The following PPP1R9A variants were observed in gnomAD, a reference collection of about 807,000 sequenced individuals.
PPP1R9A encodes the protein neurabin-1.
Under a neutral mutation model 141.9 loss-of-function variants are expected in PPP1R9A, and 59 were observed. That is an observed-to-expected ratio of 0.42 (90% CI 0.34 to 0.52). The LOEUF is 0.52. Ranked by LOEUF, PPP1R9A falls within the 20% of genes least tolerant of loss-of-function variation. The pLI, the probability that PPP1R9A is intolerant of heterozygous loss-of-function variation, is 0.10. For missense variants in PPP1R9A, 1,444 were observed against 1,611.9 expected, an observed-to-expected ratio of 0.90 and a Z score of 1.78; for synonymous variants, 500 against 569.7, an observed-to-expected ratio of 0.88 and a Z score of 1.74.
At chr7:95,072,639 TATATA>T (rs940047410) in intron 2 of PPP1R9A, among the ~76,000 whole-genome samples, 16 of 125,884 alleles carry the variant, frequency 1.3e-4, no homozygotes, top group East Asian at 8.2e-4. Flanking sequence ...AATTTTATAA[TATATA>T]ATATATTATA....
intron 5 of PPP1R9A, among the ~76,000 whole-genome samples, chr7:95,181,580 C>G (rs1833824797): frequency 7.5e-6 from 1 of 134,032 alleles, no homozygotes; most frequent in African/African-American, 2.8e-5. Context: ...TATATTCCAT[C>G]ACATATATAT....
chr7:94,968,256 TCCG>T (rs1211069312), intron 2 of PPP1R9A, among the ~76,000 whole-genome samples: 2 of 151,636 alleles, frequency 1.3e-5, no homozygotes, highest in Admixed American at 6.6e-5. Flanking sequence ...CACTGCAAGC[TCCG>T]CCTCCCGGGT....
Position 95,091,826 on chromosome 7 carries a change from C to CT in PPP1R9A, c.1396-19419dup, listed in dbSNP as rs144206416. ...TTTGGCATTTGGTGCGTTAATAATGCTTTTTTTTTTTTTTCAAACTAAAGC... is the reference window on the plus strand; with the variant it reads ...TTTGGCATTTGGTGCGTTAATAATGCTTTTTTTTTTTTTTTCAAACTAAAGC... On this transcript the variant is annotated intron_variant, in intron 2 of 19. Coordinates refer to ENST00000433360, the MANE Select transcript of PPP1R9A (RefSeq NM_001166160.2). Among the ~76,000 whole-genome samples, 449 of 137,658 alleles carry CT rather than the reference C, an allele frequency of 3.3e-3. 3 individuals carry two copies. The highest frequency in any genetic ancestry group is 8.7e-3 in the African/African-American group (316 of 36,440). 90.3% of individuals were successfully genotyped at this position (137,658 alleles called of 152,430 possible).
chr7:95,102,143 G>T (rs890662632), intron 2 of PPP1R9A, among the ~76,000 whole-genome samples: 45 of 152,234 alleles, frequency 3.0e-4, no homozygotes, highest in African/African-American at 1.0e-3. Flanking sequence ...ATATGAGAAT[G>T]AAACTAGCAG....
chr7:95,234,859 C>A (rs1424213993), intron 8 of PPP1R9A, among the ~76,000 whole-genome samples: 1 of 151,964 alleles, frequency 6.6e-6, no homozygotes, highest in Non-Finnish European at 1.5e-5. Context: ...CAGAAATAAA[C>A]CCAAATATTT....
intron 2 of PPP1R9A, among the ~76,000 whole-genome samples, chr7:94,938,155 G>A (rs1794964537): frequency 6.6e-6 from 1 of 152,142 alleles, no homozygotes; most frequent in Non-Finnish European, 1.5e-5. Flanking sequence ...GAGCATTACT[G>A]CCTGAGCTCC....
chr7:95,159,482 G>A (rs149015451), intron 4 of PPP1R9A, among the ~76,000 whole-genome samples: 117 of 152,190 alleles, frequency 7.7e-4, no homozygotes, highest in Non-Finnish European at 1.1e-3. Flanking sequence ...TGTTACATAG[G>A]TATACATGTG....
At chr7:95,073,589 G>A (rs1814322730) in intron 2 of PPP1R9A, among the ~76,000 whole-genome samples, 2 of 140,236 alleles carry the variant, frequency 1.4e-5, no homozygotes, top group South Asian at 4.5e-4. Context: ...TTTTGATTTT[G>A]CACTGTTATT....
chr7:95,209,441 T>C (rs985968019), intron 7 of PPP1R9A, among the ~76,000 whole-genome samples: 4 of 152,128 alleles, frequency 2.6e-5, no homozygotes, highest in Non-Finnish European at 5.9e-5. Context: ...AGCGGTTACA[T>C]GCAATCAGTA....
chr7:94,925,214 GC>G (rs1793323923), intron 2 of PPP1R9A, among the ~76,000 whole-genome samples: 1 of 151,410 alleles, frequency 6.6e-6, no homozygotes, highest in African/African-American at 2.4e-5. Flanking sequence ...TTTTTTTTTT[GC>G]TTGTGGGGGA....
intron 6 of PPP1R9A, 109 bp from the exon 7 acceptor site, chr7:95,203,556 A>C (rs1291023826): frequency 4.1e-6 from 3 of 731,356 alleles, no homozygotes; most frequent in South Asian, 3.9e-5. Context: ...AGTACTTAAC[A>C]GTGTGTATTA....
chr7:95,248,838 T>C (rs1798494871), intron 9 of PPP1R9A, among the ~76,000 whole-genome samples: 1 of 152,204 alleles, frequency 6.6e-6, no homozygotes, highest in South Asian at 2.1e-4. Context: ...TTGGATGCTT[T>C]CTAACTTTGT....
intron 8 of PPP1R9A, among the ~76,000 whole-genome samples, chr7:95,242,612 C>A (rs1393726096): frequency 6.6e-6 from 1 of 151,964 alleles, no homozygotes. Flanking sequence ...AAATTATACA[C>A]AGCAGGTACA....
At chr7:95,189,679 G>A (rs1051247933) in intron 5 of PPP1R9A, among the ~76,000 whole-genome samples, 18 of 151,710 alleles carry the variant, frequency 1.2e-4, no homozygotes, top group South Asian at 4.2e-4. Context: ...CTCGTGATCC[G>A]CCTGCCTCGG....
chr7:95,295,625 A>C lies in PPP1R9A; in HGVS notation c.*5322A>C, dbSNP rs1807002011. 6.6e-6 allele frequency: 1 copy of C among 152,226 alleles called. No homozygotes were observed. Among genetic ancestry groups the C allele is most frequent in the South Asian group, 2.1e-4 (1 of 4,832 alleles). The allele number at this position is 152,226 out of a possible 1,614,324, so 9.4% of individuals were successfully genotyped here. A position where few individuals can be genotyped will look rare whatever the true frequency, so the allele number is the denominator to read the frequency against. The stretch of plus-strand genomic sequence containing the variant: ...CATTTTGGTTGTTGCCAAAAACAAC[A>C]CAAGTGGTTGGGAGTGTATGTTGTT... On this transcript the variant is annotated 3_prime_UTR_variant, in exon 20 of 20. Transcript: ENST00000433360.
chr7:95,284,368 A>G, intron 17 of PPP1R9A, 38 bp downstream of exon 17: 1 of 1,379,642 alleles, frequency 7.2e-7, no homozygotes, highest in South Asian at 1.4e-5. Context: ...GGTATTTCTT[A>G]TGTGGGGAAA....
chr7:95,115,501 G>C (rs1401430143), intron 3 of PPP1R9A, among the ~76,000 whole-genome samples: 1 of 152,042 alleles, frequency 6.6e-6, no homozygotes, highest in African/African-American at 2.4e-5. Flanking sequence ...TCATTTCATT[G>C]AAATACCATA....
intron 4 of PPP1R9A, among the ~76,000 whole-genome samples, chr7:95,146,556 C>G (rs1024745777): frequency 6.6e-6 from 1 of 152,098 alleles, no homozygotes; most frequent in East Asian, 1.9e-4. Context: ...GTGTTTTAGT[C>G]ATGAAGTCTT....
chr7:95,253,800 C>A (rs1195232351), intron 12 of PPP1R9A, among the ~76,000 whole-genome samples: 1 of 151,840 alleles, frequency 6.6e-6, no homozygotes, highest in Non-Finnish European at 1.5e-5. Flanking sequence ...CATCAGGAAT[C>A]AAACCAAATT....
Sources: allele counts gnomAD v4.1 joint callset (sites outside exome capture counted in the v4.1 genomes callset), GRCh38; gene constraint gnomAD v4.1.1; transcripts MANE v1.5; gene names NCBI Gene and HGNC (gene_info 2026-07-23, HGNC 2026-07-21).